The following NSFL1C variants were observed in gnomAD, a reference collection of about 807,000 sequenced individuals.
NSFL1C encodes the protein NSFL1 cofactor.
Under a neutral mutation model 43.1 loss-of-function variants are expected in NSFL1C, and 14 were observed. The ratio of observed to expected loss-of-function variants is 0.32; its 90% CI spans 0.21 to 0.51. The LOEUF (loss-of-function observed/expected upper bound fraction) is 0.51, where lower values mean the gene tolerates loss of function less well. Ranked by LOEUF, NSFL1C falls within the 20% of genes least tolerant of loss-of-function variation. The pLI is 0.98. For synonymous variants in NSFL1C, 171 were observed against 183.5 expected (o/e 0.93, Z 0.55); for missense variants, 406 against 472.5 (o/e 0.86, Z 1.30).
At chr20:1,448,598 A>C (rs975522790) in intron 7 of NSFL1C, among the ~76,000 whole-genome samples, 7 of 152,174 alleles carry the variant, frequency 4.6e-5, no homozygotes, top group African/African-American at 1.7e-4. Context: ...CTCCCTAAAA[A>C]TTAGGTGAGG....
At chr20:1,445,517 G>A (rs1387514950) in intron 8 of NSFL1C, 149 bp downstream of exon 8, 1 of 851,678 alleles carries the variant, frequency 1.2e-6, no homozygotes, top group East Asian at 2.5e-5. Context: ...CTTCAGACTT[G>A]TAGTCCTTAC....
At chr20:1,455,701 A>T in intron 3 of NSFL1C, 2 of 779,724 alleles carry the variant, frequency 2.6e-6, no homozygotes, top group Non-Finnish European at 4.8e-6. Flanking sequence ...GAAGGACCAC[A>T]TGCCCTACCT....
chr20:1,454,412 G>T, intron 4 of NSFL1C, 107 bp from the exon 5 acceptor site: 1 of 787,954 alleles, frequency 1.3e-6, no homozygotes, highest in Non-Finnish European at 2.1e-6. Context: ...AGAGGACAGG[G>T]TTCCTGATCA....
At chr20:1,444,284 C>G (rs900781545) in intron 8 of NSFL1C, among the ~76,000 whole-genome samples, 1 of 152,204 alleles carries the variant, frequency 6.6e-6, no homozygotes, top group African/African-American at 2.4e-5. Context: ...CAACTCAGGC[C>G]TCGGATCCAA....
chr20:1,455,024 A>G lies in NSFL1C; in HGVS notation c.387T>C (p.His129=), dbSNP rs556009994. The change falls in exon 4 of 9, where the codon CAT becomes CAC. Residue 129 remains histidine, a synonymous_variant. Coordinates refer to ENST00000216879, the MANE Select transcript of NSFL1C (RefSeq NM_016143.5). ...VDDLFKGAKE[H]GAVAVERVTK... ...TCACTCGCTCCACAGCTACAGCTCC[A>G]TGCTCTTTGGCACCTTTAAAGAGAT... 1.1e-5 allele frequency: 17 copies of G among 1,614,108 alleles called. No homozygotes were observed. Among genetic ancestry groups the G allele is most frequent in the South Asian group, 7.7e-5 (7 of 91,068 alleles).
chr20:1,462,473 C>T (rs2090430945), intron 2 of NSFL1C, among the ~76,000 whole-genome samples: 1 of 151,976 alleles, frequency 6.6e-6, no homozygotes, highest in South Asian at 2.1e-4. Context: ...AGTCTTTTTA[C>T]TCACTTCAGT....
chr20:1,460,927 G>C (rs2090397022), intron 2 of NSFL1C, among the ~76,000 whole-genome samples: 1 of 152,224 alleles, frequency 6.6e-6, no homozygotes, highest in Admixed American at 6.5e-5. Context: ...CCTGCATACA[G>C]GGGTGGGAGG....
intron 3 of NSFL1C, chr20:1,457,215 C>T (rs1237962518): frequency 2.6e-5 from 4 of 152,094 alleles, no homozygotes; most frequent in Non-Finnish European, 2.9e-5. Flanking sequence ...AAAGAAAAAG[C>T]TGGAAAGAAA....
At chr20:1,444,496 G>A (rs1411007264) in intron 8 of NSFL1C, among the ~76,000 whole-genome samples, 3 of 152,198 alleles carry the variant, frequency 2.0e-5, no homozygotes, top group African/African-American at 4.8e-5. Context: ...GCCAGGAATC[G>A]TTTCTCCAGA....
intron 7 of NSFL1C, 41 bp downstream of exon 7, chr20:1,452,452 G>A (rs746217647): frequency 5.6e-6 from 9 of 1,606,296 alleles, no homozygotes; most frequent in African/African-American, 1.3e-5. Flanking sequence ...CTTGGCAGGT[G>A]TGATTGACAG....
At chr20:1,460,751 G>A (rs1038285459) in intron 2 of NSFL1C, among the ~76,000 whole-genome samples, 1 of 152,216 alleles carries the variant, frequency 6.6e-6, no homozygotes, top group Admixed American at 6.5e-5. Context: ...GAGAAAACGA[G>A]TAACAATGTT....
At chr20:1,457,026 C>T (rs1377292256) in intron 3 of NSFL1C, 1 of 152,114 alleles carries the variant, frequency 6.6e-6, no homozygotes, top group African/African-American at 2.4e-5. Context: ...CCGTAGTTAC[C>T]AAAGGGTAGA....
intron 3 of NSFL1C, among the ~76,000 whole-genome samples, chr20:1,457,658 T>C (rs994266800): frequency 6.6e-6 from 1 of 152,246 alleles, no homozygotes; most frequent in African/African-American, 2.4e-5. Context: ...GGAATTGTTC[T>C]AGATTCCACA....
chr20:1,446,383 A>T (rs2090059997), intron 7 of NSFL1C, among the ~76,000 whole-genome samples: 1 of 152,154 alleles, frequency 6.6e-6, no homozygotes, highest in Non-Finnish European at 1.5e-5. Context: ...ATCTGTACTC[A>T]TACATCCACT....
chr20:1,443,499 A>C lies in NSFL1C; in HGVS notation c.*250T>G. ...AGAGTTTCCGTACAACATGCTGGTG[A>C]TATTCCTTCAATTTTTTTGGTTGTT... is the stretch of plus-strand genomic sequence containing the variant. On this transcript the variant is annotated 3_prime_UTR_variant, in exon 9 of 9. Coordinates refer to ENST00000216879, the MANE Select transcript of NSFL1C (RefSeq NM_016143.5). 2.5e-6 allele frequency: 1 copy of C among 394,070 alleles called. No homozygotes were observed. Among genetic ancestry groups the C allele is most frequent in the South Asian group, 5.0e-5 (1 of 20,160 alleles). The allele number at this position is 394,070 out of a possible 1,614,324, so 24.4% of individuals were successfully genotyped here. A position where few individuals can be genotyped will look rare whatever the true frequency, so the allele number is the denominator to read the frequency against.
At chr20:1,464,970 T>A (rs2090481078) in intron 1 of NSFL1C, among the ~76,000 whole-genome samples, 1 of 152,096 alleles carries the variant, frequency 6.6e-6, no homozygotes, top group Admixed American at 6.6e-5. Context: ...AACTGTGGAG[T>A]CAGTCCAGGT....
intron 5 of NSFL1C, 74 bp downstream of exon 5, chr20:1,454,139 T>C: frequency 2.5e-6 from 3 of 1,182,660 alleles, no homozygotes; most frequent in Non-Finnish European, 3.8e-6. Context: ...TAATGCACAA[T>C]ATGTAACCAA....
intron 1 of NSFL1C, among the ~76,000 whole-genome samples, chr20:1,464,877 G>C (rs1035847065): frequency 6.6e-6 from 1 of 152,164 alleles, no homozygotes. Flanking sequence ...TACACAACTG[G>C]TAAAGAGAGG....
rs750987223 is a variant in NSFL1C, at chr20:1,452,632, T to C, written c.648-2A>G. 1 of 1,613,932 alleles carries C rather than the reference T, an allele frequency of 6.2e-7. No individual in the cohort carries two copies. The highest frequency in any genetic ancestry group is 8.5e-7 in the Non-Finnish European group (1 of 1,179,962). On this transcript the variant is annotated splice_acceptor_variant, in intron 6 of 8. Transcript: ENST00000216879. LOFTEE classifies it high-confidence loss of function. ...CTCCGAAGCTCTGCTGGCACCTCCC[T>C]GTGGAAGAAAAGGCCATGCTGAGGT...
Sources: allele counts gnomAD v4.1 joint callset (sites outside exome capture counted in the v4.1 genomes callset), GRCh38; gene constraint gnomAD v4.1.1; transcripts MANE v1.5; gene names NCBI Gene and HGNC (gene_info 2026-07-23, HGNC 2026-07-21).